The following RNF180 variants were observed in gnomAD, a reference collection of about 807,000 sequenced individuals.
RNF180 encodes the protein ring finger protein 180.
RNF180 carries 38 observed loss-of-function variants against 59.2 expected under a neutral mutation model. The ratio of observed to expected loss-of-function variants is 0.64; its 90% CI spans 0.50 to 0.84. The LOEUF is 0.84. RNF180 is among the 40% of genes least tolerant of loss of function. The probability of loss-of-function intolerance (pLI) is 0.00; values close to 1 mark genes in which losing one functional copy is unlikely to be tolerated. For missense variants in RNF180, 705 were observed against 700.9 expected (o/e 1.01, Z -0.07); for synonymous variants, 262 against 240.3 (o/e 1.09, Z -0.84).
chr5:64,192,903 G>GTATATATATATATATATATATATATA lies in RNF180; in HGVS notation c.1-7894_1-7869dup, dbSNP rs70983610. Among the ~76,000 whole-genome samples, 65 of 93,862 alleles carry GTATATATATATATATATATATATATA rather than the reference G, an allele frequency of 6.9e-4. 2 individuals carry two copies. Among genetic ancestry groups the GTATATATATATATATATATATATATA allele is most frequent in the African/African-American group, 1.7e-3 (42 of 24,118 alleles). The allele number at this position is 93,862 out of a possible 152,430, so 61.6% of individuals were successfully genotyped here. A position where few individuals can be genotyped will look rare whatever the true frequency, so the allele number is the denominator to read the frequency against. On this transcript the variant is annotated intron_variant, in intron 1 of 7. Coordinates refer to ENST00000389100, the MANE Select transcript of RNF180 (RefSeq NM_001113561.2). ...TGAATGCATGCAGAAAGTGTGGCAT[G>GTATATATATATATATATATATATATA]TATATATATATATATATATATATAT...
intron 5 of RNF180, among the ~76,000 whole-genome samples, chr5:64,259,819 G>A (rs1744215053): frequency 6.6e-6 from 1 of 152,016 alleles, no homozygotes; most frequent in Non-Finnish European, 1.5e-5. Context: ...TACTCGGGAG[G>A]CTGAGGCAGG....
intron 7 of RNF180, among the ~76,000 whole-genome samples, chr5:64,356,787 T>C (rs1009193205): frequency 4.0e-5 from 6 of 151,716 alleles, no homozygotes; most frequent in Admixed American, 2.6e-4. Context: ...CAAATTCATA[T>C]AGAAAGAAAG....
intron 6 of RNF180, among the ~76,000 whole-genome samples, chr5:64,329,252 C>T (rs1237223879): frequency 2.0e-5 from 3 of 152,088 alleles, no homozygotes; most frequent in Non-Finnish European, 4.4e-5. Flanking sequence ...TCTAGCTATT[C>T]TGTTGTTACA....
chr5:64,195,029 T>C (rs184504438), intron 1 of RNF180, among the ~76,000 whole-genome samples: 8 of 152,276 alleles, frequency 5.3e-5, no homozygotes, highest in Admixed American at 3.3e-4. Context: ...ATGTTAGAAA[T>C]TAGTATATTT....
At chr5:64,167,980 G>A (rs1749741000) in intron 1 of RNF180, among the ~76,000 whole-genome samples, 1 of 152,150 alleles carries the variant, frequency 6.6e-6, no homozygotes, top group South Asian at 2.1e-4. Flanking sequence ...GCAGAGTCTT[G>A]AAACATTTTC....
At chr5:64,356,268 AAAT>A in intron 7 of RNF180, among the ~76,000 whole-genome samples, 1 of 151,858 alleles carries the variant, frequency 6.6e-6, no homozygotes, top group East Asian at 1.9e-4. Flanking sequence ...TCAAAAAAAA[AAAT>A]AAATGTGGTG....
chr5:64,300,907 A>C (rs1743128884), intron 5 of RNF180, among the ~76,000 whole-genome samples: 1 of 151,698 alleles, frequency 6.6e-6, no homozygotes, highest in Non-Finnish European at 1.5e-5. Flanking sequence ...ATACCCATAC[A>C]ACTGTTTTTT....
intron 5 of RNF180, among the ~76,000 whole-genome samples, chr5:64,229,294 C>G (rs1741974003): frequency 6.6e-6 from 1 of 152,104 alleles, no homozygotes; most frequent in African/African-American, 2.4e-5. Context: ...CTCTTAAATT[C>G]TGTACTTTTG....
At chr5:64,272,568 G>A (rs984376272) in intron 5 of RNF180, among the ~76,000 whole-genome samples, 3 of 152,114 alleles carry the variant, frequency 2.0e-5, no homozygotes, top group Admixed American at 2.0e-4. Context: ...CTATGGAGTG[G>A]CGTGATAAGA....
At chr5:64,366,508 G>A (rs1006850023) in intron 7 of RNF180, among the ~76,000 whole-genome samples, 1 of 151,462 alleles carries the variant, frequency 6.6e-6, no homozygotes, top group African/African-American at 2.4e-5. Flanking sequence ...TAGGTTGGAG[G>A]AGTTCTCGTG....
chr5:64,341,663 G>C (rs938921084), intron 7 of RNF180, among the ~76,000 whole-genome samples: 1 of 152,076 alleles, frequency 6.6e-6, no homozygotes. Context: ...GGTAGGTTTA[G>C]ATTTATCCTA....
intron 7 of RNF180, among the ~76,000 whole-genome samples, chr5:64,348,138 TAAATC>T (rs1745628453): frequency 6.6e-6 from 1 of 152,078 alleles, no homozygotes; most frequent in Admixed American, 6.6e-5. Context: ...TTTTATAACA[TAAATC>T]TAAAAATATT....
intron 7 of RNF180, among the ~76,000 whole-genome samples, chr5:64,368,694 A>C (rs996472613): frequency 6.6e-6 from 1 of 152,044 alleles, no homozygotes; most frequent in Non-Finnish European, 1.5e-5. Context: ...ATGCAGCCAA[A>C]AGACACATGA....
chr5:64,297,986 T>C (rs1390820167), intron 5 of RNF180, among the ~76,000 whole-genome samples: 1 of 152,026 alleles, frequency 6.6e-6, no homozygotes, highest in African/African-American at 2.4e-5. Flanking sequence ...GTTATACAGA[T>C]TATTTCATCA....
intron 5 of RNF180, among the ~76,000 whole-genome samples, chr5:64,281,753 C>T (rs1193447266): frequency 6.6e-6 from 1 of 152,160 alleles, no homozygotes; most frequent in Non-Finnish European, 1.5e-5. Flanking sequence ...GCCTTGGCAT[C>T]GCAAAGTGCT....
At chr5:64,214,737 T>C (rs979463073) in intron 4 of RNF180, among the ~76,000 whole-genome samples, 2 of 152,344 alleles carry the variant, frequency 1.3e-5, no homozygotes, top group East Asian at 3.9e-4. Flanking sequence ...AAACCTCTTT[T>C]GTGCAATTTT....
intron 5 of RNF180, among the ~76,000 whole-genome samples, chr5:64,267,573 A>G (rs945473688): frequency 7.9e-5 from 12 of 151,598 alleles, no homozygotes; most frequent in African/African-American, 1.2e-4. Context: ...TCATTGTTCA[A>G]TTCCCACCTA....
At chr5:64,215,056 C>T (rs1037144276) in intron 4 of RNF180, among the ~76,000 whole-genome samples, 1 of 151,926 alleles carries the variant, frequency 6.6e-6, no homozygotes, top group South Asian at 2.1e-4. Flanking sequence ...GGGTAATTTA[C>T]CCTTATTGTA....
chr5:64,217,041 T>C (rs892674515), intron 4 of RNF180, among the ~76,000 whole-genome samples: 1 of 152,186 alleles, frequency 6.6e-6, no homozygotes, highest in Non-Finnish European at 1.5e-5. Context: ...GTGTTCTCCA[T>C]TATTTTAGTT....
Sources: allele counts gnomAD v4.1 joint callset (sites outside exome capture counted in the v4.1 genomes callset), GRCh38; gene constraint gnomAD v4.1.1; transcripts MANE v1.5; gene names NCBI Gene and HGNC (gene_info 2026-07-23, HGNC 2026-07-21).